The following SV2C variants were observed in gnomAD, a reference collection of about 807,000 sequenced individuals.
SV2C encodes synaptic vesicle glycoprotein 2C.
Under a neutral mutation model 79.7 loss-of-function variants are expected in SV2C, and 49 were observed. The ratio of observed to expected loss-of-function variants is 0.61; its 90% CI spans 0.49 to 0.78. The LOEUF is 0.78. SV2C is among the 30% of genes least tolerant of loss of function. The pLI, the probability that SV2C is intolerant of heterozygous loss-of-function variation, is 0.00. For missense variants in SV2C, 833 were observed against 912.9 expected (o/e 0.91, Z 1.13); for synonymous variants, 334 against 333.2 (o/e 1.00, Z -0.03).
At chr5:75,915,853 G>A in the SV2C span, among the ~76,000 whole-genome samples, 1 of 152,190 alleles carries the variant, frequency 6.6e-6, no homozygotes, top group Non-Finnish European at 1.5e-5. Flanking sequence ...TTGAAGAGGG[G>A]CAACTGGTCA....
intron 1 of SV2C, among the ~76,000 whole-genome samples, chr5:76,109,489 C>T (rs1048085900): frequency 6.6e-6 from 1 of 152,116 alleles, no homozygotes; most frequent in South Asian, 2.1e-4. Context: ...ATGGGTGTTA[C>T]GGGTTAAAAT....
At chr5:75,946,033 A>G in the SV2C span, among the ~76,000 whole-genome samples, 2 of 152,074 alleles carry the variant, frequency 1.3e-5, no homozygotes. Context: ...AAAAAAATGA[A>G]ATTCAAAGCA....
chr5:76,105,948 T>C (rs549388540), intron 1 of SV2C, among the ~76,000 whole-genome samples: 1 of 152,168 alleles, frequency 6.6e-6, no homozygotes, highest in East Asian at 1.9e-4. Context: ...TCATCCATTC[T>C]TGTGGCTTCA....
At chr5:75,981,015 T>A in the SV2C span, among the ~76,000 whole-genome samples, 10,582 of 152,210 alleles carry the variant, frequency 0.07, 485 homozygotes, top group Middle Eastern at 0.13. Flanking sequence ...TTCAGCAAAG[T>A]CTCAGGATAC....
chr5:76,105,437 A>G (rs1167022473), intron 1 of SV2C, among the ~76,000 whole-genome samples: 1 of 152,184 alleles, frequency 6.6e-6, no homozygotes, highest in Admixed American at 6.5e-5. Context: ...TTTTTTAAAC[A>G]AAGGAACCCA....
chr5:76,255,570 C>T (rs1746238372), intron 4 of SV2C, among the ~76,000 whole-genome samples: 1 of 152,210 alleles, frequency 6.6e-6, no homozygotes. Flanking sequence ...TAGCTTGGAT[C>T]TCTGTCTGTC....
At chr5:76,121,687 G>A (rs1393191966) in intron 1 of SV2C, among the ~76,000 whole-genome samples, 17 of 151,798 alleles carry the variant, frequency 1.1e-4, no homozygotes, top group South Asian at 1.0e-3. Flanking sequence ...GTAGATATGC[G>A]GCGTTATTTC....
chr5:76,235,857 C>T (rs1745594315), intron 4 of SV2C, among the ~76,000 whole-genome samples: 1 of 151,998 alleles, frequency 6.6e-6, no homozygotes, highest in South Asian at 2.1e-4. Context: ...ACTCTTTTTG[C>T]ATCTAAATTG....
chr5:76,285,193 G>A lies in SV2C; in HGVS notation c.945G>A (p.Gln315=), dbSNP rs1293038023. The change falls in exon 5 of 13, where the codon CAG becomes CAA. Residue 315 remains glutamine (Q), a synonymous_variant. Transcript: ENST00000502798. ...GCTTCAGCATGGGATCGGCCTACCA[G>A]TTTCACAGTTGGCGTGTGTTTGTCA... is the stretch of plus-strand genomic sequence containing the variant. ...GWSFSMGSAY[Q]FHSWRVFVIV... The A allele has an allele frequency of 6.2e-7, 1 of 1,614,220 alleles. No homozygotes were observed. Among genetic ancestry groups the A allele is most frequent in the Non-Finnish European group, 8.5e-7 (1 of 1,180,032 alleles).
chr5:75,866,908 T>C, the SV2C span, among the ~76,000 whole-genome samples: 2 of 152,210 alleles, frequency 1.3e-5, no homozygotes, highest in South Asian at 4.2e-4. Context: ...TCTTAGGGTG[T>C]AGTGGAGGAA....
chr5:76,343,086 A>G (rs1336698452), intron 12 of SV2C, among the ~76,000 whole-genome samples: 1 of 152,166 alleles, frequency 6.6e-6, no homozygotes, highest in Non-Finnish European at 1.5e-5. Context: ...AGTCTAAGTT[A>G]TCAACCTCTC....
the SV2C span, among the ~76,000 whole-genome samples, chr5:75,862,804 C>T: frequency 6.6e-6 from 1 of 152,132 alleles, no homozygotes; most frequent in African/African-American, 2.4e-5. Flanking sequence ...ACAGTGATAT[C>T]CAAATCTCAG....
downstream of SV2C, among the ~76,000 whole-genome samples, chr5:76,337,316 C>T (rs1749348890): frequency 6.6e-6 from 1 of 152,102 alleles, no homozygotes; most frequent in African/African-American, 2.4e-5. Context: ...TATAAGGAAA[C>T]CAGTCATGCT....
chr5:76,348,642 G>A (rs763876725), intron 12 of SV2C, among the ~76,000 whole-genome samples: 1 of 152,188 alleles, frequency 6.6e-6, no homozygotes, highest in Non-Finnish European at 1.5e-5. Flanking sequence ...AGAGAAGGTT[G>A]TACATGAGTA....
chr5:75,915,107 T>C, the SV2C span, among the ~76,000 whole-genome samples: 1 of 152,164 alleles, frequency 6.6e-6, no homozygotes, highest in Non-Finnish European at 1.5e-5. Flanking sequence ...CAAGTTCCTC[T>C]TACAACACAT....
the SV2C span, among the ~76,000 whole-genome samples, chr5:76,012,196 A>G: frequency 3.3e-5 from 5 of 152,310 alleles, no homozygotes; most frequent in African/African-American, 1.2e-4. Flanking sequence ...TGTCTTCCAC[A>G]ATGGTTGAAC....
chr5:76,325,655 C>A lies in SV2C; in HGVS notation c.*108C>A. 1 of 1,472,118 alleles carries A rather than the reference C, an allele frequency of 6.8e-7. No homozygotes were observed. The highest frequency in any genetic ancestry group is 9.1e-7 in the Non-Finnish European group (1 of 1,099,068). 91.2% of individuals were successfully genotyped at this position (1,472,118 alleles called of 1,614,324 possible). A position where few individuals can be genotyped will look rare whatever the true frequency, so the allele number is the denominator to read the frequency against. On this transcript the variant is annotated 3_prime_UTR_variant, in exon 13 of 13. Transcript: ENST00000502798. ...CCTATATAGAAAGGTGATCAAGTAT[C>A]AGAACATAAACACGTGCTGTGACTT...
At chr5:75,983,450 C>G in the SV2C span, among the ~76,000 whole-genome samples, 7 of 152,018 alleles carry the variant, frequency 4.6e-5, no homozygotes, top group African/African-American at 1.7e-4. Flanking sequence ...TAGTGGCATT[C>G]TTTTAAGAAA....
chr5:76,227,911 G>T (rs577482180), intron 4 of SV2C, among the ~76,000 whole-genome samples: 3 of 152,318 alleles, frequency 2.0e-5, no homozygotes, highest in South Asian at 2.1e-4. Context: ...TCACTTAGCT[G>T]AGACCTCTGC....
Sources: gnomAD v4.1 joint callset for allele counts (sites outside exome capture counted in the v4.1 genomes callset) on GRCh38, gnomAD v4.1.1 for gene constraint, MANE v1.5 for transcripts, NCBI Gene and HGNC (gene_info 2026-07-23, HGNC 2026-07-21) for gene names.